Variants in MAP2K5 observed in about 807,000 individuals in gnomAD.
MAP2K5 encodes the protein dual specificity mitogen-activated protein kinase kinase 5.
MAP2K5 carries 49 observed loss-of-function variants against 83.1 expected under a neutral mutation model. The observed-to-expected ratio is 0.59, with a 90% CI of 0.47 to 0.75. The LOEUF is 0.75. Ranked by LOEUF, MAP2K5 falls within the 30% of genes least tolerant of loss-of-function variation. MAP2K5 has a pLI of 0.00. For synonymous variants in MAP2K5, 202 were observed against 191.8 expected (o/e 1.05, Z -0.44); for missense variants, 457 against 557.5 (o/e 0.82, Z 1.82).
At chr15:67,686,951 A>T (rs951012865) in intron 13 of MAP2K5, among the ~76,000 whole-genome samples, 7 of 152,184 alleles carry the variant, frequency 4.6e-5, no homozygotes, top group African/African-American at 7.2e-5. Flanking sequence ...TGGTTTGAGG[A>T]TGACTGGATG....
chr15:67,800,667 A>G (rs1188878413), intron 21 of MAP2K5, among the ~76,000 whole-genome samples: 1 of 152,208 alleles, frequency 6.6e-6, no homozygotes, highest in Admixed American at 6.5e-5. Flanking sequence ...ACCTTATGGG[A>G]ACTGACACCA....
Position 67,628,624 on chromosome 15 carries a change from T to C in MAP2K5, c.546-2264T>C. On this transcript the variant is annotated intron_variant, in intron 8 of 21. Transcript: ENST00000178640. ...GAAAAGGGGCTTTGCCTTTATAACCTTTGACGACCATGACTCTGTGGATAA... is the reference window on the plus strand; with the variant it reads ...GAAAAGGGGCTTTGCCTTTATAACCCTTGACGACCATGACTCTGTGGATAA... The C allele has an allele frequency of 8.4e-6, 10 of 1,194,986 alleles. No homozygotes were observed. The South Asian group carries it at 1.2e-4, about 14-fold the overall frequency. 74.0% of individuals were successfully genotyped at this position (1,194,986 alleles called of 1,614,324 possible). A position where few individuals can be genotyped will look rare whatever the true frequency, so the allele number is the denominator to read the frequency against.
intron 17 of MAP2K5, among the ~76,000 whole-genome samples, chr15:67,740,392 A>G (rs1433738411): frequency 2.6e-5 from 4 of 152,084 alleles, no homozygotes; most frequent in African/African-American, 7.2e-5. Flanking sequence ...CTCCCACTCT[A>G]TCCAGCCAGC....
chr15:67,617,411 G>A (rs1036111435), intron 8 of MAP2K5, among the ~76,000 whole-genome samples: 5 of 152,180 alleles, frequency 3.3e-5, no homozygotes, highest in Admixed American at 1.3e-4. Flanking sequence ...TTAATTGTAT[G>A]AGATTGTACC....
chr15:67,543,500 A>G lies in MAP2K5; in HGVS notation c.135+30A>G, dbSNP rs1266283660. ...GTGGTAATCTCAGTGTCCGGATGCCAGCAAGGGGGACTCAGGGACTTGAGT... is the reference window on the plus strand; with the variant it reads ...GTGGTAATCTCAGTGTCCGGATGCCGGCAAGGGGGACTCAGGGACTTGAGT... On this transcript the variant is annotated intron_variant, in intron 1 of 21. Transcript: ENST00000178640. This position sits in a 1 kb window ranked among gnomAD's most constrained non-coding sequence, Gnocchi z 4.3. 6.2e-7 allele frequency: 1 copy of G among 1,613,336 alleles called. No homozygotes were observed. The highest frequency in any genetic ancestry group is 1.7e-5 in the Admixed American group (1 of 59,988).
chr15:67,648,788 T>C (rs2086891694), intron 11 of MAP2K5, among the ~76,000 whole-genome samples: 1 of 152,018 alleles, frequency 6.6e-6, no homozygotes. Context: ...TTTCACTGTG[T>C]TAGGATGGTC....
chr15:67,632,625 T>C (rs574520844), intron 9 of MAP2K5, among the ~76,000 whole-genome samples: 1 of 152,338 alleles, frequency 6.6e-6, no homozygotes, highest in Middle Eastern at 3.4e-3. Flanking sequence ...CCCTCTGATC[T>C]TCATCTATCT....
chr15:67,590,884 T>C (rs530262581), intron 6 of MAP2K5, among the ~76,000 whole-genome samples: 12 of 152,184 alleles, frequency 7.9e-5, no homozygotes, highest in Non-Finnish European at 1.2e-4. Context: ...GTCATTGGGC[T>C]ATATTTAAGG....
At chr15:67,627,427 A>T (rs191074460) in intron 8 of MAP2K5, among the ~76,000 whole-genome samples, 4 of 152,308 alleles carry the variant, frequency 2.6e-5, no homozygotes, top group Admixed American at 2.6e-4. Context: ...TAATTAATTG[A>T]TATAATAAAA....
intron 13 of MAP2K5, among the ~76,000 whole-genome samples, chr15:67,686,658 T>C (rs983694259): frequency 6.6e-6 from 1 of 151,412 alleles, no homozygotes; most frequent in African/African-American, 2.4e-5. Context: ...GTTGTAGGGT[T>C]TATAATTTAT....
intron 15 of MAP2K5, 86 bp from the exon 16 acceptor site, chr15:67,703,251 C>G (rs924838892): frequency 1.1e-6 from 1 of 935,374 alleles, no homozygotes; most frequent in South Asian, 1.4e-5. Context: ...GTTGGTGGCT[C>G]CTCACCTTAG....
At chr15:67,725,311 CCT>C (rs1449831993) in intron 16 of MAP2K5, among the ~76,000 whole-genome samples, 1 of 152,214 alleles carries the variant, frequency 6.6e-6, no homozygotes, top group Admixed American at 6.5e-5. Flanking sequence ...TGGAGCCTGG[CCT>C]CTCTGTAGAA....
At chr15:67,705,608 C>T (rs932449404) in intron 16 of MAP2K5, among the ~76,000 whole-genome samples, 6 of 151,986 alleles carry the variant, frequency 3.9e-5, no homozygotes, top group African/African-American at 1.5e-4. Context: ...TGGTGGTGTA[C>T]ACCTGTAATC....
chr15:67,800,243 A>T (rs918846758), intron 21 of MAP2K5, among the ~76,000 whole-genome samples: 4 of 152,222 alleles, frequency 2.6e-5, no homozygotes, highest in Non-Finnish European at 4.4e-5. Flanking sequence ...TAGCTTTAAA[A>T]CTTTAACAGT....
chr15:67,564,909 G>A (rs1407416997), intron 3 of MAP2K5, among the ~76,000 whole-genome samples: 1 of 152,158 alleles, frequency 6.6e-6, no homozygotes, highest in African/African-American at 2.4e-5. Flanking sequence ...TACAAATTGT[G>A]CTTTTTGAAA....
rs550696677 is a variant in MAP2K5, at chr15:67,706,238, G to T, written c.1044+2830G>T. Among the ~76,000 whole-genome samples the T allele has an allele frequency of 1.3e-5, 2 of 152,210 alleles. 1 individual carries two copies. Among genetic ancestry groups the T allele is most frequent in the Non-Finnish European group, 2.9e-5 (2 of 68,036 alleles). On this transcript the variant is annotated intron_variant, in intron 16 of 21. Coordinates refer to ENST00000178640, the MANE Select transcript of MAP2K5 (RefSeq NM_145160.3). ...TTAATAAAAAGAGACTCTTTGTAGT[G>T]TAAGGAAGGAGATTGCCATTGATAT...
At position 67,748,290 on chromosome 15, in the gene MAP2K5, T is replaced by A; in HGVS notation, c.1101+33T>A. 6.4e-7 allele frequency: 1 copy of A among 1,570,008 alleles called. No individual in the cohort carries two copies. The highest frequency in any genetic ancestry group is 8.8e-7 in the Non-Finnish European group (1 of 1,142,082). On this transcript the variant is annotated intron_variant, in intron 18 of 21. Transcript: ENST00000178640. The surrounding 1 kb of genome is among the most constrained non-coding windows in gnomAD (Gnocchi z 4.0). ...TTATGAGTTCAGAAAAAAATTCACT[T>A]TTCTTTTTCCTGATGGCTGCTTCCT...
At chr15:67,631,949 A>T (rs1396077461) in intron 9 of MAP2K5, among the ~76,000 whole-genome samples, 1 of 151,832 alleles carries the variant, frequency 6.6e-6, no homozygotes, top group Non-Finnish European at 1.5e-5. Flanking sequence ...GACCCTCTAC[A>T]TATTGGCCCC....
Position 67,702,007 on chromosome 15 carries a change from TA to T in MAP2K5, c.973-1329del, listed in dbSNP as rs955496983. Among the ~76,000 whole-genome samples, 2 of 152,230 alleles carry T rather than the reference TA, an allele frequency of 1.3e-5. No individual in the cohort carries two copies. The highest frequency in any genetic ancestry group is 2.9e-5 in the Non-Finnish European group (2 of 68,036). ...AAGTCACTTACTAAGCCTCAGTTTT[TA>T]CATTTGTAAACTGAGGGCAATAATA... On this transcript the variant is annotated intron_variant, in intron 15 of 21. Coordinates refer to ENST00000178640, the MANE Select transcript of MAP2K5 (RefSeq NM_145160.3). The surrounding 1 kb of genome is among the most constrained non-coding windows in gnomAD (Gnocchi z 4.6).
Sources: gnomAD v4.1 joint callset for allele counts (sites outside exome capture counted in the v4.1 genomes callset) on GRCh38, gnomAD v4.1.1 for gene constraint, Gnocchi (gnomAD v3.1) non-coding constraint, MANE v1.5 for transcripts, NCBI Gene and HGNC (gene_info 2026-07-23, HGNC 2026-07-21) for gene names.